RBFOX1: variants seen among roughly 807,000 people sequenced by gnomAD.
RBFOX1 encodes the protein RNA binding fox-1 homolog 1.
RBFOX1 carries 8 observed loss-of-function variants against 57.7 expected under a neutral mutation model. The ratio of observed to expected loss-of-function variants is 0.14; its 90% confidence interval spans 0.08 to 0.25. The LOEUF is 0.25. Among genes scored for constraint, RBFOX1 ranks in the 10% least tolerant of loss-of-function variants. The pLI is 1.00. For missense variants in RBFOX1, 611 were observed against 548.5 expected (o/e 1.11, Z -1.14); for synonymous variants, 326 against 222.4 (o/e 1.47, Z -4.15).
At chr16:5,359,120 C>G (rs777428702) in intron 1 of RBFOX1, among the ~76,000 whole-genome samples, 22 of 152,288 alleles carry the variant, frequency 1.4e-4, no homozygotes, top group Non-Finnish European at 2.9e-4. Context: ...CAGTTTCATC[C>G]ACATTTTTGC....
At chr16:7,032,359 T>C (rs1484219492) in intron 3 of RBFOX1, among the ~76,000 whole-genome samples, 4 of 151,956 alleles carry the variant, frequency 2.6e-5, no homozygotes, top group Non-Finnish European at 5.9e-5. Context: ...GCACAAGAAT[T>C]GCTTGAACCC....
intron 3 of RBFOX1, among the ~76,000 whole-genome samples, chr16:6,838,431 A>G (rs1227151747): frequency 6.6e-6 from 1 of 152,098 alleles, no homozygotes; most frequent in East Asian, 1.9e-4. Flanking sequence ...TCTATTATTG[A>G]TGGGCATTTG....
At chr16:7,635,171 C>T (rs2061562792) in intron 11 of RBFOX1, among the ~76,000 whole-genome samples, 1 of 152,194 alleles carries the variant, frequency 6.6e-6, no homozygotes, top group Non-Finnish European at 1.5e-5. Context: ...CATACCACAT[C>T]TCTTCCAAAT....
intron 3 of RBFOX1, among the ~76,000 whole-genome samples, chr16:5,793,279 C>T (rs977825461): frequency 1.3e-5 from 2 of 152,262 alleles, no homozygotes; most frequent in African/African-American, 4.8e-5. Flanking sequence ...GCCTCTGCTT[C>T]TCCCCTGGCC....
chr16:5,762,636 GAAGT>G (rs1253743288), intron 3 of RBFOX1, among the ~76,000 whole-genome samples: 4 of 152,150 alleles, frequency 2.6e-5, no homozygotes, highest in African/African-American at 9.7e-5. Flanking sequence ...GTTAAATGAA[GAAGT>G]AAGTGGTACT....
chr16:5,953,583 C>G (rs1408086883), intron 4 of RBFOX1, among the ~76,000 whole-genome samples: 1 of 152,044 alleles, frequency 6.6e-6, no homozygotes, highest in African/African-American at 2.4e-5. Context: ...TGAGTGAGAA[C>G]ATACGATGTT....
chr16:5,474,168 C>G (rs1256065283), intron 2 of RBFOX1, among the ~76,000 whole-genome samples: 1 of 152,158 alleles, frequency 6.6e-6, no homozygotes, highest in African/African-American at 2.4e-5. Context: ...TTGGATTATT[C>G]AAACCCTACC....
chr16:6,298,496 C>CAG (rs1567880159), intron 1 of RBFOX1, among the ~76,000 whole-genome samples: 1 of 152,182 alleles, frequency 6.6e-6, no homozygotes, highest in Non-Finnish European at 1.5e-5. Context: ...TCACAATAAT[C>CAG]AGAGAGTGAC....
At chr16:6,313,825 T>TTA (rs2080712629) in intron 1 of RBFOX1, among the ~76,000 whole-genome samples, 1 of 150,144 alleles carries the variant, frequency 6.7e-6, no homozygotes, top group Non-Finnish European at 1.5e-5. Flanking sequence ...ACATTTTAGT[T>TTA]AAAAAAAAAA....
At chr16:5,330,141 C>G (rs565135355) in intron 1 of RBFOX1, among the ~76,000 whole-genome samples, 3 of 152,258 alleles carry the variant, frequency 2.0e-5, no homozygotes, top group South Asian at 2.1e-4. Flanking sequence ...GGCCACACCT[C>G]CAAATACCAT....
At chr16:6,166,138 G>A (rs957994720) in intron 1 of RBFOX1, among the ~76,000 whole-genome samples, 3 of 152,134 alleles carry the variant, frequency 2.0e-5, no homozygotes, top group African/African-American at 4.8e-5. Context: ...GTGGCTTCTG[G>A]TTCCCCAAGT....
intron 3 of RBFOX1, among the ~76,000 whole-genome samples, chr16:7,042,249 C>A (rs1348148857): frequency 6.6e-6 from 1 of 152,150 alleles, no homozygotes; most frequent in Non-Finnish European, 1.5e-5. Context: ...AGCTAATGAG[C>A]ACCTGCTAAG....
At chr16:5,920,136 G>A (rs564253891) in intron 4 of RBFOX1, among the ~76,000 whole-genome samples, 9 of 152,156 alleles carry the variant, frequency 5.9e-5, no homozygotes, top group East Asian at 3.9e-4. Flanking sequence ...GGATTTCACC[G>A]CGTTAGCCAG....
chr16:7,076,538 T>A (rs1228627967), intron 4 of RBFOX1, among the ~76,000 whole-genome samples: 2 of 152,194 alleles, frequency 1.3e-5, no homozygotes, highest in Non-Finnish European at 2.9e-5. Flanking sequence ...CCCTTCTCAC[T>A]TGACTCAAAT....
chr16:6,161,807 C>G (rs960870126), intron 1 of RBFOX1, among the ~76,000 whole-genome samples: 8 of 152,134 alleles, frequency 5.3e-5, no homozygotes, highest in Non-Finnish European at 1.0e-4. Flanking sequence ...TTACTATTAC[C>G]AACAGATACT....
intron 4 of RBFOX1, among the ~76,000 whole-genome samples, chr16:7,394,744 C>T (rs2098113586): frequency 6.6e-6 from 1 of 152,120 alleles, no homozygotes; most frequent in African/African-American, 2.4e-5. Context: ...TTGAATTCTC[C>T]TTTGTAATTC....
At position 7,276,748 on chromosome 16, in the gene RBFOX1, C is replaced by T. The variant is rs538452411; in HGVS notation, c.27+224650C>T. On this transcript the variant is annotated intron_variant, in intron 4 of 15. Coordinates refer to ENST00000550418, the MANE Select transcript of RBFOX1 (RefSeq NM_018723.4). ...AGTAATTCACCTTTGTTCCCACCTA[C>T]GTTAAGACTGATTACAAATCCTCAT... is the stretch of plus-strand genomic sequence containing the variant. Among the ~76,000 whole-genome samples the T allele has an allele frequency of 5.9e-5, 9 of 152,256 alleles. No homozygotes were observed. In the South Asian group the frequency reaches 1.2e-3, roughly 21 times the overall value.
intron 1 of RBFOX1, among the ~76,000 whole-genome samples, chr16:6,230,187 A>C (rs1459714196): frequency 6.6e-6 from 1 of 152,218 alleles, no homozygotes; most frequent in Non-Finnish European, 1.5e-5. Context: ...CATAGAAGAG[A>C]TGAAGTTAAG....
intron 2 of RBFOX1, among the ~76,000 whole-genome samples, chr16:6,546,047 G>A (rs2096890332): frequency 6.6e-6 from 1 of 152,166 alleles, no homozygotes; most frequent in Non-Finnish European, 1.5e-5. Flanking sequence ...ACTAACAATA[G>A]CTGATGAACT....
Sources: gnomAD v4.1 joint callset for allele counts (sites outside exome capture counted in the v4.1 genomes callset) on GRCh38, gnomAD v4.1.1 for gene constraint, MANE v1.5 for transcripts, NCBI Gene and HGNC (gene_info 2026-07-23, HGNC 2026-07-21) for gene names.